Variants in RAB7A observed in about 807,000 individuals in gnomAD.
RAB7A encodes the protein ras-related protein Rab-7a.
Under a neutral mutation model 24.5 loss-of-function variants are expected in RAB7A, and 2 were observed. That is an observed-to-expected ratio of 0.08 (90% CI 0.03 to 0.26). RAB7A has a LOEUF of 0.26. RAB7A is among the 10% of genes least tolerant of loss of function. The pLI is 1.00. For missense variants in RAB7A, 118 were observed against 255.7 expected (o/e 0.46, Z 3.67); for synonymous variants, 100 against 95.9 (o/e 1.04, Z -0.25).
At position 128,741,561 on chromosome 3, in the gene RAB7A, C is replaced by T. The variant is rs142206936; in HGVS notation, c.-9+15202C>T. 9.1e-4 allele frequency among the ~76,000 whole-genome samples: 138 copies of T among 151,854 alleles called. 1 individual carries two copies. The highest frequency in any genetic ancestry group is 3.1e-3 in the African/African-American group (128 of 41,392). ...TTTTTATTTTAAATAGATTTATTTA[C>T]GAAATAGAGATGGTGTCTCACTATG... On this transcript the variant is annotated intron_variant, in intron 1 of 5. Transcript: ENST00000265062.
At chr3:128,784,499 G>A (rs1266836737) in intron 1 of RAB7A, among the ~76,000 whole-genome samples, 2 of 152,300 alleles carry the variant, frequency 1.3e-5, no homozygotes, top group South Asian at 2.1e-4. Flanking sequence ...CTGCAGGCAG[G>A]CAGGGCGCTG....
intron 1 of RAB7A, among the ~76,000 whole-genome samples, chr3:128,732,042 T>C (rs1279055376): frequency 1.3e-5 from 2 of 149,874 alleles, no homozygotes; most frequent in African/African-American, 4.9e-5. Flanking sequence ...CACTACCTTT[T>C]TTTTTTTTCT....
At chr3:128,748,252 A>G (rs2070639527) in intron 1 of RAB7A, among the ~76,000 whole-genome samples, 1 of 152,142 alleles carries the variant, frequency 6.6e-6, no homozygotes, top group Non-Finnish European at 1.5e-5. Context: ...CTGCTGGTAC[A>G]TTGAGTGGAG....
At chr3:128,739,799 G>A (rs1320764275) in intron 1 of RAB7A, among the ~76,000 whole-genome samples, 1 of 152,212 alleles carries the variant, frequency 6.6e-6, no homozygotes, top group African/African-American at 2.4e-5. Context: ...GCCGGGCGCA[G>A]TGGTTCACGC....
chr3:128,771,509 A>G (rs1932935375), intron 1 of RAB7A, among the ~76,000 whole-genome samples: 1 of 152,226 alleles, frequency 6.6e-6, no homozygotes, highest in African/African-American at 2.4e-5. Context: ...TGGTAATAAG[A>G]TACCACTTAT....
rs138698568 is a variant in RAB7A, at chr3:128,775,456, A to G, written c.-8-19904A>G. Among the ~76,000 whole-genome samples the G allele has an allele frequency of 3.9e-5, 6 of 152,284 alleles. No individual in the cohort carries two copies. The East Asian group carries it at 1.2e-3, about 29-fold the overall frequency. On this transcript the variant is annotated intron_variant, in intron 1 of 5. Coordinates refer to ENST00000265062, the MANE Select transcript of RAB7A (RefSeq NM_004637.6). ...TCTCTTTTCTTAGTAGCAGTGCCGT[A>G]CCACATTCTGTGGGCTTCCTGATTT...
intron 1 of RAB7A, among the ~76,000 whole-genome samples, chr3:128,774,096 GAAA>G (rs1360792574): frequency 9.0e-6 from 1 of 110,594 alleles, no homozygotes; most frequent in Non-Finnish European, 2.0e-5. Context: ...AAAAAAAAAA[GAAA>G]AAAAATTTTT....
intron 1 of RAB7A, among the ~76,000 whole-genome samples, chr3:128,739,584 A>G (rs765059368): frequency 1.3e-4 from 20 of 152,304 alleles, no homozygotes; most frequent in Non-Finnish European, 2.4e-4. Flanking sequence ...CTATAATTCA[A>G]AACGTTTATT....
At chr3:128,765,132 GC>G (rs1248702070) in intron 1 of RAB7A, 8 of 711,764 alleles carry the variant, frequency 1.1e-5, no homozygotes, top group Non-Finnish European at 1.8e-5. Flanking sequence ...GCTACGGGCG[GC>G]CGGCCGGGGT....
At chr3:128,779,050 C>T (rs1309281755) in intron 1 of RAB7A, among the ~76,000 whole-genome samples, 1 of 152,110 alleles carries the variant, frequency 6.6e-6, no homozygotes, top group Admixed American at 6.5e-5. Context: ...GGGCAGAAAC[C>T]AGGTGATGTT....
chr3:128,756,711 C>G (rs1051227001), intron 1 of RAB7A, among the ~76,000 whole-genome samples: 1 of 152,122 alleles, frequency 6.6e-6, no homozygotes, highest in Admixed American at 6.5e-5. Context: ...ATCTTGAAAA[C>G]ACACAACCAA....
intron 5 of RAB7A, among the ~76,000 whole-genome samples, chr3:128,808,691 C>T (rs970628813): frequency 3.3e-5 from 5 of 152,126 alleles, no homozygotes; most frequent in African/African-American, 9.7e-5. Flanking sequence ...AGGCAGGTCA[C>T]GAGGCCTCAT....
At position 128,807,650 on chromosome 3, in the gene RAB7A, T is replaced by C. The variant is rs767911042; in HGVS notation, c.507T>C (p.Ile169=). 7 of 1,614,212 alleles carry C rather than the reference T, an allele frequency of 4.3e-6. No individual in the cohort carries two copies. The highest frequency in any genetic ancestry group is 5.9e-6 in the Non-Finnish European group (7 of 1,180,038). ...AINVEQAFQT[I]ARNALKQETE... Reference sequence around the variant, plus strand: ...ACGTGGAGCAGGCGTTCCAGACGATTGCACGGAATGCACTTAAGCAGGTGG... The same window carrying C: ...ACGTGGAGCAGGCGTTCCAGACGATCGCACGGAATGCACTTAAGCAGGTGG... Residue 169 remains isoleucine, a synonymous_variant, in exon 5 of 6, where the codon ATT becomes ATC. Transcript: ENST00000265062.
intron 1 of RAB7A, among the ~76,000 whole-genome samples, chr3:128,778,658 A>G (rs940501202): frequency 6.6e-6 from 1 of 152,232 alleles, no homozygotes; most frequent in Non-Finnish European, 1.5e-5. Context: ...TTTTCTTCAT[A>G]TGTGACATTC....
chr3:128,792,697 C>G (rs1470122568), intron 1 of RAB7A, among the ~76,000 whole-genome samples: 1 of 151,722 alleles, frequency 6.6e-6, no homozygotes, highest in Non-Finnish European at 1.5e-5. Context: ...TGTGAGCCAC[C>G]ACACCCAGCC....
chr3:128,733,947 C>T (rs1486365199), intron 1 of RAB7A, among the ~76,000 whole-genome samples: 1 of 152,172 alleles, frequency 6.6e-6, no homozygotes, highest in Non-Finnish European at 1.5e-5. Flanking sequence ...TCCTTGCTAG[C>T]ACTTGTAACT....
At chr3:128,798,643 A>G (rs946864502) in intron 3 of RAB7A, among the ~76,000 whole-genome samples, 4 of 151,996 alleles carry the variant, frequency 2.6e-5, no homozygotes, top group Non-Finnish European at 4.4e-5. Context: ...GCTATAAACT[A>G]TTATTCCCTT....
rs373016326 is a variant in RAB7A, at chr3:128,794,078, T to TG, written c.-8-1279dup. Reference sequence around the variant, plus strand: ...GATATTTCCTTTTAGTTAGTGGTCTTGGGTGTAATACCACCTCTTGAGAAA... The same window carrying TG: ...GATATTTCCTTTTAGTTAGTGGTCTTGGGGTGTAATACCACCTCTTGAGAAA... On this transcript the variant is annotated intron_variant, in intron 1 of 5. Coordinates refer to ENST00000265062, the MANE Select transcript of RAB7A (RefSeq NM_004637.6). 3.7e-4 allele frequency among the ~76,000 whole-genome samples: 57 copies of TG among 152,308 alleles called. No individual in the cohort carries two copies. In the East Asian group the frequency reaches 0.011, roughly 28 times the overall value.
intron 1 of RAB7A, among the ~76,000 whole-genome samples, chr3:128,760,712 G>A (rs2070770127): frequency 6.6e-6 from 1 of 152,236 alleles, no homozygotes; most frequent in Non-Finnish European, 1.5e-5. Flanking sequence ...TTTTTGGCTA[G>A]CAAGAGCTGC....
Sources: allele counts gnomAD v4.1 joint callset (sites outside exome capture counted in the v4.1 genomes callset), GRCh38; gene constraint gnomAD v4.1.1; transcripts MANE v1.5; gene names NCBI Gene and HGNC (gene_info 2026-07-23, HGNC 2026-07-21).